Variants in PDE10A observed in about 807,000 individuals in gnomAD.
PDE10A encodes cAMP and cAMP-inhibited cGMP 3',5'-cyclic phosphodiesterase 10A.
Under a neutral mutation model 97.7 loss-of-function variants are expected in PDE10A, and 39 were observed. That is an observed-to-expected ratio of 0.40 (90% CI 0.31 to 0.52). The LOEUF (loss-of-function observed/expected upper bound fraction) is 0.52. PDE10A is among the 20% of genes least tolerant of loss of function. PDE10A has a pLI of 0.56. For synonymous variants in PDE10A, 371 were observed against 376.8 expected (o/e 0.98, Z 0.18); for missense variants, 731 against 1,047.8 (o/e 0.70, Z 4.17).
At chr6:165,339,469 G>T in intron 19 of PDE10A, 111 bp from the exon 20 acceptor site, 2 of 712,770 alleles carry the variant, frequency 2.8e-6, no homozygotes, top group Non-Finnish European at 4.9e-6. Flanking sequence ...AACAAATAAT[G>T]TTTGTGGTTG....
chr6:165,969,314 G>T (rs1217958926), intron 1 of PDE10A, among the ~76,000 whole-genome samples: 3 of 152,156 alleles, frequency 2.0e-5, no homozygotes, highest in Non-Finnish European at 4.4e-5. Context: ...GAGGAGGAGG[G>T]TGGTGGCTCA....
intron 1 of PDE10A, among the ~76,000 whole-genome samples, chr6:165,763,751 A>G (rs1258443488): frequency 6.6e-6 from 1 of 152,252 alleles, no homozygotes; most frequent in Non-Finnish European, 1.5e-5. Flanking sequence ...ATTAGATACA[A>G]CATATTGAAC....
rs186059334 is a variant in PDE10A at position 165,402,217 on chromosome 6, C to T, written c.2077-5758G>A. Among the ~76,000 whole-genome samples, 603 of 151,882 alleles carry T rather than the reference C, an allele frequency of 4.0e-3. 11 individuals are homozygous for T. Among genetic ancestry groups the T allele is most frequent in the Middle Eastern group, 3.4e-3 (1 of 292 alleles). On this transcript the variant is annotated intron_variant, in intron 13 of 21. Transcript: ENST00000539869. Reference sequence around the variant, plus strand: ...CCTAAAATTAGAATAAATTTTATTTCTATTATTTTTACAATTTTTGATATT... The same window carrying T: ...CCTAAAATTAGAATAAATTTTATTTTTATTATTTTTACAATTTTTGATATT...
chr6:165,505,335 CA>C lies in PDE10A; in HGVS notation c.995-22993del, dbSNP rs1369100782. On this transcript the variant is annotated intron_variant, in intron 2 of 21. Transcript: ENST00000539869. ...GTTTAAAATGGCTCAAATATATTTACAAATTGTTTTCTTTAAAAGTTAAATC... is the reference window on the plus strand; with the variant it reads ...GTTTAAAATGGCTCAAATATATTTACAATTGTTTTCTTTAAAAGTTAAATC... Among the ~76,000 whole-genome samples the C allele has an allele frequency of 2.2e-4, 34 of 152,176 alleles. No individual in the cohort carries two copies. The Middle Eastern group carries it at 0.01, about 46-fold the overall frequency.
At chr6:165,472,960 T>C (rs1481495450) in intron 3 of PDE10A, among the ~76,000 whole-genome samples, 1 of 152,186 alleles carries the variant, frequency 6.6e-6, no homozygotes, top group Non-Finnish European at 1.5e-5. Flanking sequence ...GTCATGTCCT[T>C]TGACCTAGTA....
chr6:165,564,634 T>C (rs529069154), intron 1 of PDE10A, among the ~76,000 whole-genome samples: 1 of 152,298 alleles, frequency 6.6e-6, no homozygotes, highest in East Asian at 1.9e-4. Context: ...ATAGCACATA[T>C]TATACTTCTG....
chr6:165,584,861 G>A (rs1785817453), intron 1 of PDE10A, among the ~76,000 whole-genome samples: 2 of 152,182 alleles, frequency 1.3e-5, no homozygotes, highest in African/African-American at 2.4e-5. Context: ...ACAGGCTGTG[G>A]TGCTCCCAGA....
intron 1 of PDE10A, chr6:165,780,665 T>C (rs1212307884): frequency 6.6e-6 from 1 of 152,248 alleles, no homozygotes; most frequent in Non-Finnish European, 1.5e-5. Context: ...CTTTTTCTAA[T>C]TGTCAAGTCC....
chr6:165,678,414 C>A (rs1196464576), intron 1 of PDE10A, among the ~76,000 whole-genome samples: 1 of 150,542 alleles, frequency 6.6e-6, no homozygotes, highest in Middle Eastern at 3.4e-3. Context: ...GTACTCAGAC[C>A]TTCTTTTCTG....
At chr6:165,446,519 A>G (rs988911602) in intron 5 of PDE10A, among the ~76,000 whole-genome samples, 11 of 152,230 alleles carry the variant, frequency 7.2e-5, no homozygotes, top group Non-Finnish European at 1.3e-4. Flanking sequence ...TAGAGTGAGC[A>G]AAACACAGTA....
At chr6:165,552,782 C>G (rs1784080440) in intron 1 of PDE10A, among the ~76,000 whole-genome samples, 1 of 152,192 alleles carries the variant, frequency 6.6e-6, no homozygotes, top group African/African-American at 2.4e-5. Context: ...TCCAGCAAAT[C>G]ACCAAACTGA....
intron 1 of PDE10A, among the ~76,000 whole-genome samples, chr6:165,740,044 T>C (rs9365918): frequency 0.17 from 26,386 of 151,978 alleles, 2,627 homozygotes; most frequent in East Asian, 0.36. Flanking sequence ...TGAAAAACAA[T>C]ATGGAAGTTA....
chr6:165,599,538 C>G (rs1786810113), intron 1 of PDE10A, among the ~76,000 whole-genome samples: 1 of 152,122 alleles, frequency 6.6e-6, no homozygotes, highest in Admixed American at 6.5e-5. Context: ...ATCACTTAAC[C>G]CAGGACAATT....
intron 1 of PDE10A, among the ~76,000 whole-genome samples, chr6:165,686,716 G>T (rs1290531786): frequency 6.6e-6 from 1 of 152,216 alleles, no homozygotes; most frequent in Non-Finnish European, 1.5e-5. Context: ...CTCAGAGAGT[G>T]CAACAGCCAT....
chr6:165,342,178 C>T (rs1017132996), intron 19 of PDE10A, among the ~76,000 whole-genome samples: 2 of 100,444 alleles, frequency 2.0e-5, no homozygotes, highest in African/African-American at 5.9e-5. Context: ...TTATGGCATA[C>T]TTAAATTTTT....
At chr6:165,667,153 A>G (rs1226625317), upstream of PDE10A, among the ~76,000 whole-genome samples, 1 of 152,242 alleles carries the variant, frequency 6.6e-6, no homozygotes, top group Non-Finnish European at 1.5e-5. Context: ...GATAAAAACA[A>G]CTTTAGCTGC....
chr6:165,740,294 T>C (rs1386616940), intron 1 of PDE10A, among the ~76,000 whole-genome samples: 1 of 146,014 alleles, frequency 6.8e-6, no homozygotes, highest in Non-Finnish European at 1.5e-5. Context: ...TACAATGGAA[T>C]ACATATATAT....
At chr6:165,639,958 G>A (rs1024392571) in intron 1 of PDE10A, among the ~76,000 whole-genome samples, 4 of 151,378 alleles carry the variant, frequency 2.6e-5, no homozygotes, top group Admixed American at 1.3e-4. Flanking sequence ...TGGTCCCGAC[G>A]ACTCAGGAGG....
intron 1 of PDE10A, among the ~76,000 whole-genome samples, chr6:165,676,345 G>A (rs4397203): frequency 0.87 from 133,091 of 152,252 alleles, 58,336 homozygotes; most frequent in South Asian, 0.92. Flanking sequence ...CCATTTCCAT[G>A]TAACATAACT....
Sources: gnomAD v4.1 joint callset for allele counts (sites outside exome capture counted in the v4.1 genomes callset) on GRCh38, gnomAD v4.1.1 for gene constraint, MANE v1.5 for transcripts, NCBI Gene and HGNC (gene_info 2026-07-23, HGNC 2026-07-21) for gene names.